The following FCAMR variants were observed in gnomAD, a reference collection of about 807,000 sequenced individuals.
FCAMR encodes Fc alpha and mu receptor, also known as high affinity immunoglobulin alpha and immunoglobulin mu Fc receptor.
Under a neutral mutation model 52.2 loss-of-function variants are expected in FCAMR, and 51 were observed. That is an observed-to-expected ratio of 0.98 (90% CI 0.78 to 1.23). The LOEUF is 1.23. Among genes scored for constraint, FCAMR ranks in the 50% most tolerant of loss-of-function variants. The probability of loss-of-function intolerance (pLI) is 0.00; values close to 1 mark genes in which losing one functional copy is unlikely to be tolerated. For synonymous variants in FCAMR, 282 were observed against 262.0 expected, an observed-to-expected ratio of 1.08 and a Z score of -0.74; for missense variants, 719 against 712.6, an observed-to-expected ratio of 1.01 and a Z score of -0.10.
At chr1:206,966,641 C>T (rs1222917254) in intron 3 of FCAMR, among the ~76,000 whole-genome samples, 1 of 152,196 alleles carries the variant, frequency 6.6e-6, no homozygotes, top group Non-Finnish European at 1.5e-5. Flanking sequence ...GCCTGGGCCT[C>T]CCAAAGTGCT....
At chr1:206,969,300 T>G (rs775734814) in intron 1 of FCAMR, 1 of 456,288 alleles carries the variant, frequency 2.2e-6, no homozygotes, top group Non-Finnish European at 4.4e-6. Flanking sequence ...CGTGGGGCAA[T>G]GAGGAAGCAG....
intron 7 of FCAMR, 34 bp from the exon 8 acceptor site, chr1:206,958,710 G>A: frequency 6.2e-7 from 1 of 1,613,706 alleles, no homozygotes; most frequent in Non-Finnish European, 8.5e-7. Context: ...TGAGGGTTCT[G>A]GGTAAGGACA....
intron 1 of FCAMR, 48 bp downstream of exon 1, chr1:206,970,039 C>A (rs772891047): frequency 6.2e-7 from 1 of 1,611,300 alleles, no homozygotes; most frequent in East Asian, 2.2e-5. Flanking sequence ...GTTCACCCCC[C>A]ACATTCAGAG....
chr1:206,962,448 C>A lies in FCAMR; in HGVS notation c.417G>T (p.Arg139Ser), dbSNP rs1286496424. 1 of 1,613,968 alleles carries A rather than the reference C, an allele frequency of 6.2e-7. No homozygotes were observed. Among genetic ancestry groups the A allele is most frequent in the South Asian group, 1.1e-5 (1 of 91,066 alleles). The stretch of plus-strand genomic sequence containing the variant: ...GGGGCCCCAGACGGCACCAGTACTT[C>A]CTCTGGTGCCTGTTGACAGATGAGG... ...YAPSSVNRHQ[R>S]KYWCRLGPPR... Residue 139 changes from arginine to serine, a missense_variant, in exon 5 of 8, where the codon AGG (arginine) becomes AGT (serine). Arg to Ser is a moderately radical substitution (Grantham distance 110). Transcript: ENST00000324852.
intron 6 of FCAMR, 151 bp downstream of exon 6, chr1:206,960,271 C>T (rs568168156): frequency 5.2e-4 from 387 of 741,834 alleles, no homozygotes; most frequent in Non-Finnish European, 7.4e-4. Context: ...CACAGCAAGG[C>T]CCCTTGGGTG....
intron 5 of FCAMR, among the ~76,000 whole-genome samples, chr1:206,961,986 G>A (rs1351845032): frequency 2.6e-5 from 4 of 152,234 alleles, no homozygotes; most frequent in South Asian, 2.1e-4. Context: ...AGGTGGGAGA[G>A]TGTACATGCA....
intron 4 of FCAMR, among the ~76,000 whole-genome samples, 183 bp downstream of exon 4, chr1:206,965,532 C>A (rs1162569723): frequency 2.0e-5 from 3 of 152,162 alleles, no homozygotes; most frequent in African/African-American, 4.8e-5. Flanking sequence ...CAACTCCCTG[C>A]CCATCCATGG....
chr1:206,969,021 A>G (rs918301623), intron 1 of FCAMR, among the ~76,000 whole-genome samples: 2 of 152,192 alleles, frequency 1.3e-5, no homozygotes, highest in African/African-American at 4.8e-5. Flanking sequence ...TGGCAGTCTC[A>G]GACCTTTCCC....
Position 206,958,043 on chromosome 1 carries a change from C to G in FCAMR, c.*473G>C, listed in dbSNP as rs926853214. On this transcript the variant is annotated 3_prime_UTR_variant, in exon 8 of 8. Coordinates refer to ENST00000324852, the MANE Select transcript of FCAMR (RefSeq NM_001170631.2). ...GGGGCATCATGAGACAGATAAAATG[C>G]AATTACTGCCTTAAAGGAGCTTAGA... The G allele has an allele frequency of 3.3e-5, 5 of 152,586 alleles. No homozygotes were observed. The highest frequency in any genetic ancestry group is 1.2e-4 in the African/African-American group (5 of 41,414). The allele number at this position is 152,586 out of a possible 1,614,324, so 9.5% of individuals were successfully genotyped here.
chr1:206,968,008 C>T (rs947594614), intron 1 of FCAMR, among the ~76,000 whole-genome samples: 1 of 152,214 alleles, frequency 6.6e-6, no homozygotes, highest in African/African-American at 2.4e-5. Flanking sequence ...CCATACTGAT[C>T]ACTACACAAT....
chr1:206,966,860 A>G (rs1314785193), intron 3 of FCAMR, among the ~76,000 whole-genome samples, 192 bp downstream of exon 3: 1 of 152,156 alleles, frequency 6.6e-6, no homozygotes, highest in African/African-American at 2.4e-5. Flanking sequence ...CATACTCACT[A>G]TGTTCCTCAA....
Position 206,970,309 on chromosome 1 carries a change from G to A in FCAMR, c.-184C>T. ...GGCGTAGCTCTGCCACTCACCTCAA[G>A]TCACTTCTCTTTGGATTTTATTATT... On this transcript the variant is annotated 5_prime_UTR_variant, in exon 1 of 8. Coordinates refer to ENST00000324852, the MANE Select transcript of FCAMR (RefSeq NM_001170631.2). 1.7e-6 allele frequency: 1 copy of A among 590,020 alleles called. No individual in the cohort carries two copies. The highest frequency in any genetic ancestry group is 2.1e-5 in the South Asian group (1 of 47,670). The allele number at this position is 590,020 out of a possible 1,614,324, so 36.5% of individuals were successfully genotyped here. A position where few individuals can be genotyped will look rare whatever the true frequency, so the allele number is the denominator to read the frequency against.
In FCAMR at chr1:206,961,077, A is replaced by T; in HGVS notation, c.799T>A (p.Ser267Thr). The stretch of plus-strand genomic sequence containing the variant: ...GTAGTCTTGCTGGTTCCTGGAGTGG[A>T]AGCAACTGTGTCCCATGCTGTCCCC... ...GQGTAWDTVASTPGTSKTTAS... is the reference protein window; with the variant it reads ...GQGTAWDTVATTPGTSKTTAS... Residue 267 changes from serine to threonine, a missense_variant, in exon 6 of 8, where the codon TCC becomes ACC. Coordinates refer to ENST00000324852, the MANE Select transcript of FCAMR (RefSeq NM_001170631.2). 1 of 1,551,676 alleles carries T rather than the reference A, an allele frequency of 6.4e-7. No homozygotes were observed. Among genetic ancestry groups the T allele is most frequent in the South Asian group, 1.2e-5 (1 of 84,036 alleles).
At chr1:206,959,905 A>C in intron 6 of FCAMR, 108 bp from the exon 7 acceptor site, 1 of 879,078 alleles carries the variant, frequency 1.1e-6, no homozygotes, top group Non-Finnish European at 1.9e-6. Context: ...GCTGAGGCCA[A>C]AGCAAATGGG....
At chr1:206,962,910 T>A (rs1680566683) in intron 4 of FCAMR, among the ~76,000 whole-genome samples, 2 of 152,184 alleles carry the variant, frequency 1.3e-5, no homozygotes, top group South Asian at 4.2e-4. Flanking sequence ...ACTCACTCAC[T>A]CAGTCACTCC....
At chr1:206,967,958 A>C (rs1299821264) in intron 1 of FCAMR, among the ~76,000 whole-genome samples, 1 of 152,218 alleles carries the variant, frequency 6.6e-6, no homozygotes, top group African/African-American at 2.4e-5. Context: ...TGTGAAATGC[A>C]CAGCTATTGT....
Position 206,962,339 on chromosome 1 carries a change from G to A in FCAMR, c.526C>T (p.Pro176Ser). 6.2e-7 allele frequency: 1 copy of A among 1,614,200 alleles called. No homozygotes were observed. The highest frequency in any genetic ancestry group is 1.6e-4 in the Middle Eastern group (1 of 6,062). ...YRDRVALTDF[P>S]QRGLFVVRLS... The stretch of plus-strand genomic sequence containing the variant: ...CTCACCACAAACAAGCCTCTCTGTG[G>A]AAAGTCTGTGAGGGCCACACGGTCA... The change falls in exon 5 of 8, where the codon CCA becomes TCA. Residue 176 changes from proline to serine, a missense_variant. Transcript: ENST00000324852.
intron 4 of FCAMR, among the ~76,000 whole-genome samples, chr1:206,963,822 G>A (rs1300060040): frequency 6.6e-6 from 1 of 152,210 alleles, no homozygotes; most frequent in African/African-American, 2.4e-5. Flanking sequence ...CCTACCAGAT[G>A]TATTTTTAGC....
intron 1 of FCAMR, among the ~76,000 whole-genome samples, chr1:206,968,364 T>C (rs1229515909): frequency 1.3e-5 from 2 of 152,156 alleles, no homozygotes; most frequent in Non-Finnish European, 1.5e-5. Context: ...AGACAGAGAT[T>C]GTACATTACA....
Sources: allele counts gnomAD v4.1 joint callset (sites outside exome capture counted in the v4.1 genomes callset), GRCh38; gene constraint gnomAD v4.1.1; transcripts MANE v1.5; gene names NCBI Gene and HGNC (gene_info 2026-07-23, HGNC 2026-07-21).